The following SCAND1 variants were observed in gnomAD, a reference collection of about 807,000 sequenced individuals.
SCAND1 encodes the protein SCAN domain containing 1, also known as SCAN domain-containing protein 1.
SCAND1 carries 3 observed loss-of-function variants against 3.4 expected under a neutral mutation model. The observed-to-expected ratio is 0.87, with a 90% CI of 0.40 to 2.25. The LOEUF (loss-of-function observed/expected upper bound fraction) is 2.25, where lower values mean the gene tolerates loss of function less well. Ranked by LOEUF, SCAND1 falls within the 30% of genes most tolerant of loss-of-function variation. The pLI is 0.05. For synonymous variants in SCAND1, 152 were observed against 120.5 expected, an observed-to-expected ratio of 1.26 and a Z score of -1.72; for missense variants, 303 against 258.8, an observed-to-expected ratio of 1.17 and a Z score of -1.17.
chr20:35,956,574 T>C (rs1427496667), upstream of SCAND1, among the ~76,000 whole-genome samples: 1 of 152,236 alleles, frequency 6.6e-6, no homozygotes, highest in Admixed American at 6.5e-5. Context: ...TTTTCTCTCT[T>C]TTCTTTTTAG....
In SCAND1 at chr20:35,954,113, G is replaced by A; in HGVS notation, c.172C>T (p.Pro58Ser). The change falls in exon 2 of 2, where the codon CCT (proline) becomes TCT (serine). Residue 58 changes from proline (P) to serine (S), a missense_variant. By Grantham distance (74) the Pro-to-Ser change is moderately conservative (BLOSUM62 -1). Transcript: ENST00000305978. ...GCTCGGGGCGTAGGGATGGCTTCAG[G>A]GACCGCGGCGTTGGGACTGGAAGGC... The part of the protein sequence containing the change: ...PEPSSPNAAV[P>S]EAIPTPRAAA... 1.9e-6 allele frequency: 3 copies of A among 1,543,830 alleles called. No individual in the cohort carries two copies. Among genetic ancestry groups the A allele is most frequent in the Middle Eastern group, 3.4e-4 (2 of 5,954 alleles).
chr20:35,955,966 TCTC>T (rs1024927819), upstream of SCAND1, among the ~76,000 whole-genome samples: 2 of 152,016 alleles, frequency 1.3e-5, no homozygotes, highest in Non-Finnish European at 1.5e-5. Context: ...GGTGATCCAC[TCTC>T]CTCAGCCTCC....
At chr20:35,955,838 G>A (rs11697216), upstream of SCAND1, among the ~76,000 whole-genome samples, 248 of 152,036 alleles carry the variant, frequency 1.6e-3, 1 homozygote, top group Middle Eastern at 6.8e-3. Flanking sequence ...TCCTCCCTCC[G>A]CCTCCCGAGT....
At chr20:35,956,250 C>T (rs936235475), upstream of SCAND1, among the ~76,000 whole-genome samples, 2 of 152,222 alleles carry the variant, frequency 1.3e-5, no homozygotes, top group Non-Finnish European at 2.9e-5. Context: ...AAATCATTTC[C>T]ATAGCCTGAA....
chr20:35,954,156 G>T lies in SCAND1; in HGVS notation c.129C>A (p.Ala43=). 1 of 1,595,312 alleles carries T rather than the reference G, an allele frequency of 6.3e-7. No homozygotes were observed. The highest frequency in any genetic ancestry group is 1.3e-5 in the African/African-American group (1 of 74,614). Residue 43 remains alanine (A), a synonymous_variant, in exon 2 of 2, where the codon GCC becomes GCA. Coordinates refer to ENST00000305978, the MANE Select transcript of SCAND1 (RefSeq NM_033630.3). ...RNCVGSSLPE[A]SPPAPEPSSP... ...TGGAAGGCTCAGGGGCAGGCGGTGA[G>T]GCCTCTGGCAGCGAGGAGCCCACAC...
chr20:35,956,545 C>G (rs752004930), upstream of SCAND1, among the ~76,000 whole-genome samples: 1 of 152,140 alleles, frequency 6.6e-6, no homozygotes, highest in African/African-American at 2.4e-5. Context: ...CAGGTTGTTG[C>G]TTTATTTAGA....
chr20:35,958,912 A>T (rs1269236828), upstream of SCAND1: 2 of 152,358 alleles, frequency 1.3e-5, no homozygotes, highest in East Asian at 3.9e-4. Flanking sequence ...TCCACTTGGC[A>T]CAATTCCCTG....
chr20:35,958,096 C>CT (rs2056274294), upstream of SCAND1, among the ~76,000 whole-genome samples: 1 of 152,148 alleles, frequency 6.6e-6, no homozygotes, highest in Non-Finnish European at 1.5e-5. Context: ...TACTTATTTT[C>CT]TTTTTTATCA....
chr20:35,953,849 G>C lies in SCAND1; in HGVS notation c.436C>G (p.Gln146Glu). The change falls in exon 2 of 2, where the codon CAG (glutamine) becomes GAG (glutamate). Residue 146 changes from glutamine (Q) to glutamate (E), a missense_variant. Coordinates refer to ENST00000305978, the MANE Select transcript of SCAND1 (RefSeq NM_033630.3). ...TCTTGCACCAGCATCTCCACGATCT[G>C]CTCCTTGGTGCGGATGTCAGGCCGC... The part of the protein sequence containing the change: ...WLRPDIRTKE[Q>E]IVEMLVQEQL... 6.3e-7 allele frequency: 1 copy of C among 1,589,514 alleles called. No individual in the cohort carries two copies. The highest frequency in any genetic ancestry group is 8.5e-7 in the Non-Finnish European group (1 of 1,170,372).
upstream of SCAND1, chr20:35,957,695 A>T (rs1438168652): frequency 6.6e-6 from 1 of 152,204 alleles, no homozygotes; most frequent in Admixed American, 6.5e-5. Flanking sequence ...ATATACATTT[A>T]TATTTCATTC....
chr20:35,956,644 G>T (rs986386404), upstream of SCAND1, among the ~76,000 whole-genome samples: 1 of 152,200 alleles, frequency 6.6e-6, no homozygotes, highest in African/African-American at 2.4e-5. Flanking sequence ...CTTGACTTCT[G>T]TCTGGCCCCT....
At chr20:35,958,199 G>A (rs767981691), upstream of SCAND1, among the ~76,000 whole-genome samples, 5 of 152,146 alleles carry the variant, frequency 3.3e-5, no homozygotes, top group South Asian at 2.1e-4. Flanking sequence ...TTGGGAGGCC[G>A]AGGCAGGCGG....
rs566939022 is a variant in SCAND1 at position 35,953,731 on chromosome 20, C to A, written c.*14G>T. 1.1e-4 allele frequency: 151 copies of A among 1,414,744 alleles called. No homozygotes were observed. In the South Asian group the frequency reaches 2.2e-3, roughly 20 times the overall value. 87.6% of individuals were successfully genotyped at this position (1,414,744 alleles called of 1,614,324 possible). A position where few individuals can be genotyped will look rare whatever the true frequency, so the allele number is the denominator to read the frequency against. The stretch of plus-strand genomic sequence containing the variant: ...CACAGAGCGCCCGGCCCTGGCCGCC[C>A]GCAGCTCCACCGCTCAGCCAGTGAT... On this transcript the variant is annotated 3_prime_UTR_variant, in exon 2 of 2. Transcript: ENST00000305978.
Position 35,954,474 on chromosome 20 carries a change from C to T in SCAND1, c.-82G>A. On this transcript the variant is annotated 5_prime_UTR_variant, in exon 1 of 2. Transcript: ENST00000305978. Reference sequence around the variant, plus strand: ...TGCACCAGCGAAGCGCCTGCGGCAGCCGGAAGCGAAAGTCTCTGGCTTCTC... The same window carrying T: ...TGCACCAGCGAAGCGCCTGCGGCAGTCGGAAGCGAAAGTCTCTGGCTTCTC... 3.2e-6 allele frequency: 5 copies of T among 1,547,140 alleles called. No individual in the cohort carries two copies. The highest frequency in any genetic ancestry group is 4.4e-6 in the Non-Finnish European group (5 of 1,145,626).
At chr20:35,956,443 T>C (rs1034231319), upstream of SCAND1, among the ~76,000 whole-genome samples, 2 of 152,210 alleles carry the variant, frequency 1.3e-5, no homozygotes, top group African/African-American at 2.4e-5. Context: ...ACGACTTCCT[T>C]TAGACAAGAT....
rs779651131 is a variant in SCAND1 at position 35,953,786 on chromosome 20, G to C, written c.499C>G (p.Arg167Gly). Residue 167 changes from arginine to glycine, a missense_variant, in exon 2 of 2, where the codon CGG (arginine) becomes GGG (glycine). Physicochemically the swap from Arg to Gly is moderately radical, Grantham distance 125. Transcript: ENST00000305978. Reference protein sequence around the residue: ...LAILPEAARARRIRRRTDVRI... With the variant: ...LAILPEAARAGRIRRRTDVRI... ...ACATCCGTGCGGCGGCGGATCCGCCGGGCCCGAGCCGCCTCGGGCAGGATG... is the reference window on the plus strand; with the variant it reads ...ACATCCGTGCGGCGGCGGATCCGCCCGGCCCGAGCCGCCTCGGGCAGGATG... 2.7e-6 allele frequency: 4 copies of C among 1,504,210 alleles called. No homozygotes were observed. Among genetic ancestry groups the C allele is most frequent in the Non-Finnish European group, 2.7e-6 (3 of 1,129,216 alleles). The allele number at this position is 1,504,210 out of a possible 1,614,324, so 93.2% of individuals were successfully genotyped here.
Position 35,953,790 on chromosome 20 carries a change from C to T in SCAND1, c.495G>A (p.Arg165=), listed in dbSNP as rs747812990. 6 of 1,512,816 alleles carry T rather than the reference C, an allele frequency of 4.0e-6. No individual in the cohort carries two copies. The highest frequency in any genetic ancestry group is 5.3e-6 in the Non-Finnish European group (6 of 1,133,038). The allele number at this position is 1,512,816 out of a possible 1,614,324, so 93.7% of individuals were successfully genotyped here. A position where few individuals can be genotyped will look rare whatever the true frequency, so the allele number is the denominator to read the frequency against. Residue 165 remains arginine, a synonymous_variant, in exon 2 of 2, where the codon CGG becomes CGA. Coordinates refer to ENST00000305978, the MANE Select transcript of SCAND1 (RefSeq NM_033630.3). ...QLLAILPEAA[R]ARRIRRRTDV... is the part of the protein sequence containing the mutation. The stretch of plus-strand genomic sequence containing the variant: ...CCGTGCGGCGGCGGATCCGCCGGGC[C>T]CGAGCCGCCTCGGGCAGGATGGCGA...
Position 35,954,426 on chromosome 20 carries a change from G to A in SCAND1, c.-56+22C>T, listed in dbSNP as rs1205449628. The A allele has an allele frequency of 8.4e-6, 13 of 1,550,690 alleles. No individual in the cohort carries two copies. In the Admixed American group the frequency reaches 2.5e-4, roughly 30 times the overall value. On this transcript the variant is annotated intron_variant, in intron 1 of 1. Coordinates refer to ENST00000305978, the MANE Select transcript of SCAND1 (RefSeq NM_033630.3). The stretch of plus-strand genomic sequence containing the variant: ...CTTGAGGGAGTCGGACTCGGGACCG[G>A]CCGAGAGTGTGCGGAGCTTACCTGC...
In SCAND1 at chr20:35,954,202, C is replaced by G; in HGVS notation, c.83G>C (p.Ser28Thr). ...CACACAGTTACGCTCAGGGGCTGAG[C>G]TCGAACCGGCTCCTTCCAGTTTCTC... Reference protein sequence around the residue: ...PPEKLEGAGSSSAPERNCVGS... With the variant: ...PPEKLEGAGSTSAPERNCVGS... Residue 28 changes from serine to threonine, a missense_variant, in exon 2 of 2, where the codon AGC becomes ACC. Coordinates refer to ENST00000305978, the MANE Select transcript of SCAND1 (RefSeq NM_033630.3). 1 of 1,612,258 alleles carries G rather than the reference C, an allele frequency of 6.2e-7. No individual in the cohort carries two copies. Among genetic ancestry groups the G allele is most frequent in the Non-Finnish European group, 8.5e-7 (1 of 1,179,898 alleles).
Sources: allele counts gnomAD v4.1 joint callset (sites outside exome capture counted in the v4.1 genomes callset), GRCh38; gene constraint gnomAD v4.1.1; transcripts MANE v1.5; gene names NCBI Gene and HGNC (gene_info 2026-07-23, HGNC 2026-07-21).